Variants in RYR1 observed in about 807,000 individuals in gnomAD.
RYR1 encodes ryanodine receptor 1, also known as central core disease of muscle.
RYR1 carries 342 observed loss-of-function variants against 583.5 expected under a neutral mutation model. The observed-to-expected ratio is 0.59, with a 90% CI of 0.54 to 0.64. The LOEUF (loss-of-function observed/expected upper bound fraction) is 0.64, where lower values mean the gene tolerates loss of function less well. RYR1 is among the 30% of genes least tolerant of loss of function. The pLI is 0.00. For synonymous variants in RYR1, 2,791 were observed against 2,822.5 expected (o/e 0.99, Z 0.35); for missense variants, 6,032 against 6,917.2 (o/e 0.87, Z 4.54).
At chr19:38,511,468 C>A (rs1157681463) in intron 60 of RYR1, 93 bp from the exon 61 acceptor site, 4 of 1,302,502 alleles carry the variant, frequency 3.1e-6, no homozygotes, top group African/African-American at 2.9e-5. Flanking sequence ...TCTTCTCTGT[C>A]CCTGTCTCCT....
intron 76 of RYR1, among the ~76,000 whole-genome samples, 162 bp downstream of exon 76, chr19:38,529,219 C>G (rs186952182): frequency 6.6e-6 from 1 of 152,352 alleles, no homozygotes; most frequent in African/African-American, 2.4e-5. Flanking sequence ...CGGTGGCTCA[C>G]GCCTGTAGTC....
chr19:38,511,055 G>A (rs1970705089), intron 60 of RYR1, among the ~76,000 whole-genome samples: 1 of 152,168 alleles, frequency 6.6e-6, no homozygotes, highest in South Asian at 2.1e-4. Flanking sequence ...CAACACTTTG[G>A]GAAGCTGAGG....
In RYR1 at chr19:38,532,559, T is replaced by C. The variant is rs747927825; in HGVS notation, c.11193+18T>C. 1 of 1,613,896 alleles carries C rather than the reference T, an allele frequency of 6.2e-7. No individual in the cohort carries two copies. Among genetic ancestry groups the C allele is most frequent in the African/African-American group, 1.3e-5 (1 of 74,910 alleles). ...TGGCAAAGGTGAGGCCCTACCCCCC[T>C]CTTCTGGGGCAGATTTCCCTCTCCC... is the stretch of plus-strand genomic sequence containing the variant. On this transcript the variant is annotated intron_variant, in intron 77 of 105. Coordinates refer to ENST00000359596, the MANE Select transcript of RYR1 (RefSeq NM_000540.3).
chr19:38,572,365 A>C lies in RYR1; in HGVS notation c.13998+95A>C, dbSNP rs1973759468. On this transcript the variant is annotated intron_variant, in intron 95 of 105. Transcript: ENST00000359596. ...ACTGGCTGGGGCTGGGGGCCCTCAA[A>C]GTGGTTGGGACAGAGGGGGCCTAGG... 7.0e-6 allele frequency: 7 copies of C among 999,532 alleles called. No homozygotes were observed. The Admixed American group carries it at 1.5e-4, about 21-fold the overall frequency. The allele number at this position is 999,532 out of a possible 1,614,324, so 61.9% of individuals were successfully genotyped here.
intron 76 of RYR1, among the ~76,000 whole-genome samples, chr19:38,530,099 G>A (rs1001188702): frequency 1.3e-5 from 2 of 151,740 alleles, no homozygotes; most frequent in Non-Finnish European, 1.5e-5. Context: ...GATTACAGGC[G>A]CCCACCACTA....
At chr19:38,466,437 C>G (rs769598889) in intron 24 of RYR1, 39 bp downstream of exon 24, 1 of 1,527,426 alleles carries the variant, frequency 6.5e-7, no homozygotes, top group Non-Finnish European at 8.8e-7. Context: ...GACTCCTACC[C>G]CAACTCTGAC....
intron 99 of RYR1, 28 bp from the exon 100 acceptor site, chr19:38,579,954 C>T: frequency 6.2e-7 from 1 of 1,614,000 alleles, no homozygotes; most frequent in Non-Finnish European, 8.5e-7. Flanking sequence ...CTGCCTTCCC[C>T]CTGACCCCTG....
intron 2 of RYR1, 29 bp downstream of exon 2, chr19:38,440,893 G>C (rs1972644196): frequency 6.2e-7 from 1 of 1,601,526 alleles, no homozygotes; most frequent in Non-Finnish European, 8.5e-7. Flanking sequence ...GGGGCCTGGG[G>C]ACAGGGGCGT....
chr19:38,440,998 C>A, intron 2 of RYR1, 134 bp downstream of exon 2: 1 of 590,618 alleles, frequency 1.7e-6, no homozygotes, highest in Non-Finnish European at 2.4e-6. Context: ...GGGGCTAAGG[C>A]TAAGAGGGGC....
At chr19:38,515,455 G>T (rs1568525610) in intron 64 of RYR1, among the ~76,000 whole-genome samples, 1 of 152,198 alleles carries the variant, frequency 6.6e-6, no homozygotes, top group African/African-American at 2.4e-5. Context: ...TACTGATACA[G>T]CAAGAGCGAG....
Position 38,496,968 on chromosome 19 carries a change from G to A in RYR1, c.6891+14G>A. ...GACCTGGAAAAGGTGTGGAGGGCAG[G>A]GCTGGGCCCCAGGCCTAAGGGAGGA... On this transcript the variant is annotated intron_variant, in intron 42 of 105. Coordinates refer to ENST00000359596, the MANE Select transcript of RYR1 (RefSeq NM_000540.3). The surrounding 1 kb of genome is among the most constrained non-coding windows in gnomAD (Gnocchi z 4.8). The A allele has an allele frequency of 6.2e-7, 1 of 1,610,916 alleles. No individual in the cohort carries two copies. Among genetic ancestry groups the A allele is most frequent in the East Asian group, 2.2e-5 (1 of 44,874 alleles).
At position 38,566,975 on chromosome 19, in the gene RYR1, C is replaced by T. The variant is rs73933023; in HGVS notation, c.13502C>T (p.Pro4501Leu). The T allele has an allele frequency of 1.7e-3, 2,705 of 1,596,762 alleles. 14 individuals are homozygous for T. The African/African-American group carries it at 0.019, about 11-fold the overall frequency. ...PEPEPEPELEPEKADAENGEK... is the reference protein window; with the variant it reads ...PEPEPEPELELEKADAENGEK... Reference sequence around the variant, plus strand: ...CCCGAGCCGGAACCAGAGCTGGAGCCGGAGAAAGCCGAGTGAGTGGCCTTG... The same window carrying T: ...CCCGAGCCGGAACCAGAGCTGGAGCTGGAGAAAGCCGAGTGAGTGGCCTTG... The change falls in exon 92 of 106, where the codon CCG (proline) becomes CTG (leucine). Residue 4501 changes from proline to leucine, a missense_variant. This residue lies in a region of RYR1 where 753 missense variants were observed against 759.6 expected (regional missense o/e 0.99). Transcript: ENST00000359596.
Position 38,469,350 on chromosome 19 carries a change from T to C in RYR1, c.3602T>C (p.Leu1201Pro). Reference protein sequence around the residue: ...CSLGPGQVGHLNLGQDVSSLR... With the variant: ...CSLGPGQVGHPNLGQDVSSLR... ...TTGGGACCTGGCCAGGTGGGTCATC[T>C]GAACCTGGGCCAGGACGTGAGCTCT... The change falls in exon 27 of 106, where the codon CTG becomes CCG. Residue 1201 changes from leucine (L) to proline (P), a missense_variant. Physicochemically the swap from Leu to Pro is moderately conservative, Grantham distance 98. This residue lies in a region of RYR1 where 2,627 missense variants were observed against 2,961.3 expected (regional missense o/e 0.89). Transcript: ENST00000359596. The C allele has an allele frequency of 6.2e-7, 1 of 1,614,094 alleles. No homozygotes were observed. Among genetic ancestry groups the C allele is most frequent in the Non-Finnish European group, 8.5e-7 (1 of 1,180,036 alleles).
rs1274889477 is a variant in RYR1, at chr19:38,502,885, T to A, written c.7841T>A (p.Ile2614Asn). 6.2e-7 allele frequency: 1 copy of A among 1,610,842 alleles called. No homozygotes were observed. Among genetic ancestry groups the A allele is most frequent in the Non-Finnish European group, 8.5e-7 (1 of 1,179,934 alleles). Residue 2614 changes from isoleucine to asparagine, a missense_variant, in exon 49 of 106, where the codon ATC (isoleucine) becomes AAC (asparagine). By Grantham distance (149) the Ile-to-Asn change is moderately radical. Coordinates refer to ENST00000359596, the MANE Select transcript of RYR1 (RefSeq NM_000540.3). ...EDCLMSLCRY[I>N]RPSMLQHLLR... ...TCTTGTGCATTGTCCCGCAGGTACA[T>A]CCGCCCGTCGATGCTGCAGCACCTG...
intron 65 of RYR1, 96 bp downstream of exon 65, chr19:38,516,313 G>A (rs1254314227): frequency 2.8e-6 from 4 of 1,446,556 alleles, no homozygotes; most frequent in Middle Eastern, 1.9e-4. Context: ...TGGCTGGGCT[G>A]GGCTGTGAGC....
chr19:38,587,280 G>A, intron 105 of RYR1, 45 bp from the exon 106 acceptor site: 13 of 1,265,582 alleles, frequency 1.0e-5, no homozygotes, highest in Non-Finnish European at 1.5e-5. Flanking sequence ...ATGTCTCAAG[G>A]GTTTGAAGAT....
At position 38,543,409 on chromosome 19, in the gene RYR1, A is replaced by C; in HGVS notation, c.11752A>C (p.Thr3918Pro). 5.0e-6 allele frequency: 8 copies of C among 1,614,230 alleles called. No individual in the cohort carries two copies. Among genetic ancestry groups the C allele is most frequent in the Non-Finnish European group, 6.8e-6 (8 of 1,180,048 alleles). Residue 3918 changes from threonine (T) to proline (P), a missense_variant, in exon 85 of 106, where the codon ACT becomes CCT. This residue lies in a region of RYR1 where 1,493 missense variants were observed against 1,715.5 expected (regional missense o/e 0.87). Transcript: ENST00000359596. This position sits in a 1 kb window ranked among gnomAD's most constrained non-coding sequence, Gnocchi z 4.4. Reference sequence around the variant, plus strand: ...GACCACTATTAACATCATCATTTGCACTGTGGACTACCTCCTGCGGCTGCA... The same window carrying C: ...GACCACTATTAACATCATCATTTGCCCTGTGGACTACCTCCTGCGGCTGCA... The part of the protein sequence containing the change: ...NTTTINIIIC[T>P]VDYLLRLQES...
chr19:38,442,111 T>A (rs1444632259), intron 2 of RYR1, among the ~76,000 whole-genome samples: 1 of 149,258 alleles, frequency 6.7e-6, no homozygotes, highest in Admixed American at 6.7e-5. Flanking sequence ...TTCTATGGAG[T>A]CTGGGTGGGT....
chr19:38,561,244 C>A lies in RYR1; in HGVS notation c.12414C>A (p.Ile4138=). The A allele has an allele frequency of 1.2e-6, 2 of 1,614,084 alleles. No homozygotes were observed. The highest frequency in any genetic ancestry group is 1.7e-6 in the Non-Finnish European group (2 of 1,180,040). Residue 4138 remains isoleucine, a synonymous_variant, in exon 90 of 106, where the codon ATC becomes ATA. Transcript: ENST00000359596. This position sits in a 1 kb window ranked among gnomAD's most constrained non-coding sequence, Gnocchi z 4.8. ...ANRFQEPARD[I]GFNVAVLLTN... is the part of the protein sequence containing the mutation. ...GCTTCCAGGAGCCAGCACGCGACAT[C>A]GGCTTCAACGTGGCGGTGCTGCTGA...
Sources: allele counts gnomAD v4.1 joint callset (sites outside exome capture counted in the v4.1 genomes callset), GRCh38; gene constraint gnomAD v4.1.1; regional missense constraint gnomAD v4.1.1; non-coding constraint Gnocchi (gnomAD v3.1); transcripts MANE v1.5; gene names NCBI Gene and HGNC (gene_info 2026-07-23, HGNC 2026-07-21).